GPR160: variants seen among roughly 807,000 people sequenced by gnomAD.
GPR160 encodes the protein G protein-coupled receptor 160.
GPR160 carries 2 observed loss-of-function variants against 2.6 expected under a neutral mutation model. That is an observed-to-expected ratio of 0.77 (90% CI 0.32 to 2.44). The LOEUF is 2.44. Ranked by LOEUF, GPR160 falls within the 30% of genes most tolerant of loss-of-function variation. The pLI, the probability that GPR160 is intolerant of heterozygous loss-of-function variation, is 0.11. For missense variants in GPR160, 351 were observed against 383.6 expected (o/e 0.91, Z 0.71); for synonymous variants, 130 against 132.2 (o/e 0.98, Z 0.12).
chr3:170,077,917 A>T, intron 2 of GPR160: 1 of 165,638 alleles, frequency 6.0e-6, no homozygotes, highest in Non-Finnish European at 1.3e-5. Flanking sequence ...AACCCTCGAA[A>T]ACGAAGGTGA....
At chr3:170,053,015 G>A (rs562450662) in intron 2 of GPR160, among the ~76,000 whole-genome samples, 211 of 152,164 alleles carry the variant, frequency 1.4e-3, no homozygotes, top group African/African-American at 4.7e-3. Context: ...TAAATCAAGT[G>A]GACTGGTTTG....
At chr3:170,076,592 G>C (rs1338869752) in intron 2 of GPR160, among the ~76,000 whole-genome samples, 2 of 151,738 alleles carry the variant, frequency 1.3e-5, no homozygotes, top group African/African-American at 2.4e-5. Context: ...TGCTCAGGCT[G>C]GAGTGTAGTG....
chr3:170,067,311 T>C (rs1034012622), intron 2 of GPR160, among the ~76,000 whole-genome samples: 1 of 152,198 alleles, frequency 6.6e-6, no homozygotes. Context: ...GGCCTGTTTT[T>C]TTAAGAGTGA....
At chr3:170,069,348 G>T (rs1712484352) in intron 2 of GPR160, among the ~76,000 whole-genome samples, 1 of 152,316 alleles carries the variant, frequency 6.6e-6, no homozygotes, top group South Asian at 2.1e-4. Context: ...TATAAATTGG[G>T]TTGCGACTCT....
intron 3 of GPR160, among the ~76,000 whole-genome samples, 173 bp from the exon 4 acceptor site, chr3:170,083,732 G>C (rs939720232): frequency 1.3e-5 from 2 of 152,126 alleles, no homozygotes; most frequent in African/African-American, 4.8e-5. Flanking sequence ...AAAATGACCA[G>C]AGTATACACA....
chr3:170,069,625 C>A (rs1172670217), intron 2 of GPR160, among the ~76,000 whole-genome samples: 2 of 152,054 alleles, frequency 1.3e-5, no homozygotes, highest in Non-Finnish European at 2.9e-5. Flanking sequence ...AACATACATA[C>A]AAATAGTTAG....
chr3:170,072,371 G>A lies in GPR160; in HGVS notation c.-192-7403G>A, dbSNP rs376588651. Among the ~76,000 whole-genome samples the A allele has an allele frequency of 7.2e-5, 11 of 152,154 alleles. No homozygotes were observed. In the East Asian group the frequency reaches 1.5e-3, roughly 21 times the overall value. Reference sequence around the variant, plus strand: ...ATTCCAGGCATGAACCACCGTGCCCGGCCTCTACTGACAACTGAATTTCAG... The same window carrying A: ...ATTCCAGGCATGAACCACCGTGCCCAGCCTCTACTGACAACTGAATTTCAG... On this transcript the variant is annotated intron_variant, in intron 2 of 3. Coordinates refer to ENST00000355897, the MANE Select transcript of GPR160 (RefSeq NM_014373.3).
intron 3 of GPR160, among the ~76,000 whole-genome samples, chr3:170,082,976 T>G (rs1179722183): frequency 4.1e-5 from 6 of 147,766 alleles, no homozygotes; most frequent in South Asian, 4.2e-4. Flanking sequence ...TTTTGGGGTT[T>G]TTTTTTTTTT....
intron 2 of GPR160, among the ~76,000 whole-genome samples, chr3:170,052,206 G>A (rs981573015): frequency 5.9e-5 from 9 of 152,224 alleles, no homozygotes; most frequent in Non-Finnish European, 1.2e-4. Flanking sequence ...GATTATAGGC[G>A]TGAGCCTCTG....
intron 2 of GPR160, among the ~76,000 whole-genome samples, chr3:170,069,988 C>G (rs1438152811): frequency 6.6e-6 from 1 of 152,064 alleles, no homozygotes; most frequent in Admixed American, 6.6e-5. Context: ...ACCAGCATCC[C>G]TAGTATCATG....
At chr3:170,065,303 CTCTTT>C (rs1712268558) in intron 2 of GPR160, among the ~76,000 whole-genome samples, 1 of 152,030 alleles carries the variant, frequency 6.6e-6, no homozygotes, top group Non-Finnish European at 1.5e-5. Flanking sequence ...ACAGACTCTT[CTCTTT>C]TGTGTAAATC....
intron 2 of GPR160, among the ~76,000 whole-genome samples, chr3:170,052,250 A>G (rs1385437810): frequency 6.6e-6 from 1 of 152,230 alleles, no homozygotes; most frequent in East Asian, 1.9e-4. Flanking sequence ...ACTCCTAGGT[A>G]AATATCTAGT....
chr3:170,081,380 A>C (rs1331172661), intron 3 of GPR160, among the ~76,000 whole-genome samples: 1 of 152,204 alleles, frequency 6.6e-6, no homozygotes, highest in Non-Finnish European at 1.5e-5. Context: ...ACAGGGGAAA[A>C]AAACTTGAGT....
chr3:170,078,742 C>A (rs767625122), intron 2 of GPR160, among the ~76,000 whole-genome samples: 1 of 152,100 alleles, frequency 6.6e-6, no homozygotes, highest in African/African-American at 2.4e-5. Flanking sequence ...AGCCAGAACA[C>A]GAGCTGTAAC....
chr3:170,054,764 C>T lies in GPR160; in HGVS notation c.-193+15721C>T, dbSNP rs78525904. On this transcript the variant is annotated intron_variant, in intron 2 of 3. Transcript: ENST00000355897. Reference sequence around the variant, plus strand: ...CACTTAGTGTAATGTCTTACGGGTTCTTCCACCTTCAGCATGTATCAGAAT... The same window carrying T: ...CACTTAGTGTAATGTCTTACGGGTTTTTCCACCTTCAGCATGTATCAGAAT... Among the ~76,000 whole-genome samples, 32 of 151,330 alleles carry T rather than the reference C, an allele frequency of 2.1e-4. No homozygotes were observed. In the East Asian group the frequency reaches 6.0e-3, roughly 28 times the overall value.
intron 2 of GPR160, among the ~76,000 whole-genome samples, chr3:170,046,455 C>T (rs914295513): frequency 2.0e-5 from 3 of 152,182 alleles, no homozygotes; most frequent in Non-Finnish European, 4.4e-5. Flanking sequence ...AGCTATGCCA[C>T]CGCCTGGCAG....
At chr3:170,054,817 G>A (rs142715798) in intron 2 of GPR160, among the ~76,000 whole-genome samples, 1 of 147,402 alleles carries the variant, frequency 6.8e-6, no homozygotes. Context: ...TTTTTGAGAC[G>A]AAGTCTTGCT....
chr3:170,063,570 A>C (rs1173322771), intron 2 of GPR160, among the ~76,000 whole-genome samples: 7 of 149,798 alleles, frequency 4.7e-5, no homozygotes, highest in African/African-American at 1.2e-4. Flanking sequence ...AAAAAAAAAA[A>C]AAAACCTCAG....
At chr3:170,079,255 C>T (rs541258000) in intron 2 of GPR160, among the ~76,000 whole-genome samples, 3 of 152,292 alleles carry the variant, frequency 2.0e-5, no homozygotes, top group East Asian at 1.9e-4. Flanking sequence ...TCCTTTCATC[C>T]GTTGCTCGAC....
Sources: gnomAD v4.1 joint callset for allele counts (sites outside exome capture counted in the v4.1 genomes callset) on GRCh38, gnomAD v4.1.1 for gene constraint, MANE v1.5 for transcripts, NCBI Gene and HGNC (gene_info 2026-07-23, HGNC 2026-07-21) for gene names.